AMTN: variants seen among roughly 807,000 people sequenced by gnomAD.
AMTN encodes the protein RSTI689.
Under a neutral mutation model 27.4 loss-of-function variants are expected in AMTN, and 29 were observed. That is an observed-to-expected ratio of 1.06 (90% CI 0.79 to 1.44). The LOEUF is 1.44. Ranked by LOEUF, AMTN falls within the 40% of genes most tolerant of loss-of-function variation. AMTN has a pLI of 0.00. For synonymous variants in AMTN, 86 were observed against 95.7 expected, an observed-to-expected ratio of 0.90 and a Z score of 0.59; for missense variants, 247 against 248.8, an observed-to-expected ratio of 0.99 and a Z score of 0.05.
Position 70,532,519 on chromosome 4 carries a change from T to C in AMTN, c.*54T>C. The C allele has an allele frequency of 6.6e-7, 1 of 1,508,966 alleles. No homozygotes were observed. The highest frequency in any genetic ancestry group is 1.4e-5 in the African/African-American group (1 of 72,386). The allele number at this position is 1,508,966 out of a possible 1,614,324, so 93.5% of individuals were successfully genotyped here. A position where few individuals can be genotyped will look rare whatever the true frequency, so the allele number is the denominator to read the frequency against. ...CCTCGAATTTGGTGATACATGTGAA[T>C]CTTTATCATTGATTATATTATGGAA... On this transcript the variant is annotated 3_prime_UTR_variant, in exon 9 of 9. Coordinates refer to ENST00000339336, the MANE Select transcript of AMTN (RefSeq NM_212557.4).
In AMTN at chr4:70,528,766, T is replaced by C; in HGVS notation, c.330+8T>C. 1 of 1,588,648 alleles carries C rather than the reference T, an allele frequency of 6.3e-7. No homozygotes were observed. The highest frequency in any genetic ancestry group is 1.8e-5 in the Admixed American group (1 of 54,896). On this transcript the variant is annotated splice_region_variant and intron_variant, in intron 6 of 8. Transcript: ENST00000339336. ...ACACAACTTGGAGCCCAGGTAAAAA[T>C]TATGCTTAATATTGTCTTGATTTTA...
chr4:70,529,900 G>A (rs1013915998), intron 7 of AMTN, among the ~76,000 whole-genome samples: 2 of 152,134 alleles, frequency 1.3e-5, no homozygotes, highest in African/African-American at 2.4e-5. Context: ...AAGGAATGGG[G>A]CTAGTGTCTG....
chr4:70,529,840 T>C (rs1736180528), intron 7 of AMTN, among the ~76,000 whole-genome samples: 2 of 152,188 alleles, frequency 1.3e-5, no homozygotes, highest in South Asian at 4.1e-4. Flanking sequence ...CAACAGCTTT[T>C]CTATTATGGA....
At chr4:70,522,904 G>A (rs1736012775) in intron 3 of AMTN, 66 bp downstream of exon 3, 1 of 1,505,014 alleles carries the variant, frequency 6.6e-7, no homozygotes, top group Admixed American at 1.7e-5. Flanking sequence ...GTACAAACCG[G>A]TAAAGAAAAC....
intron 5 of AMTN, among the ~76,000 whole-genome samples, chr4:70,527,708 TGACACTTTGA>T (rs1736128922): frequency 6.6e-6 from 1 of 152,232 alleles, no homozygotes; most frequent in Admixed American, 6.5e-5. Context: ...ATTACTTTCC[TGACACTTTGA>T]ATTTTCTATA....
In AMTN at chr4:70,522,799, G is replaced by C; in HGVS notation, c.99G>C (p.Pro33=). The C allele has an allele frequency of 6.2e-7, 1 of 1,613,496 alleles. No homozygotes were observed. ...GACTCCCTCCCACAAAACTGGCTCCGGATCAGGGAACACTACCAAACCAAC... is the reference window on the plus strand; with the variant it reads ...GACTCCCTCCCACAAAACTGGCTCCCGATCAGGGAACACTACCAAACCAAC... ...ALGLPPTKLA[P]DQGTLPNQQQ... Residue 33 remains proline, a synonymous_variant, in exon 3 of 9, where the codon CCG becomes CCC. Coordinates refer to ENST00000339336, the MANE Select transcript of AMTN (RefSeq NM_212557.4).
At position 70,528,724 on chromosome 4, in the gene AMTN, T is replaced by G. The variant is rs1188885385; in HGVS notation, c.296T>G (p.Val99Gly). 1.2e-6 allele frequency: 2 copies of G among 1,608,158 alleles called. No homozygotes were observed. The highest frequency in any genetic ancestry group is 1.7e-5 in the Admixed American group (1 of 58,764). The change falls in exon 6 of 9, where the codon GTG (valine) becomes GGG (glycine). Residue 99 changes from valine (V) to glycine (G), a missense_variant and splice_region_variant. By Grantham distance (109) the Val-to-Gly change is moderately radical. Transcript: ENST00000339336. ...AGAGTTTTTCTCTCATTTTTTCAGG[T>G]GTTACCAATTTTTGTCACACAACTT... is the stretch of plus-strand genomic sequence containing the variant. ...LNVQQQLHPH[V>G]LPIFVTQLGA...
intron 2 of AMTN, among the ~76,000 whole-genome samples, chr4:70,521,550 A>C (rs1038218808): frequency 6.8e-6 from 1 of 147,084 alleles, no homozygotes; most frequent in Non-Finnish European, 1.5e-5. Context: ...CAAAATTTAT[A>C]TATATTATAT....
rs893103361 is a variant in AMTN, at chr4:70,532,585, C to A, written c.*120C>A. On this transcript the variant is annotated 3_prime_UTR_variant, in exon 9 of 9. Transcript: ENST00000339336. Reference sequence around the variant, plus strand: ...TGGATAGTCTTAGAAGAAATTAATTCTTAATTTACCTGAAAATATTCTTGA... The same window carrying A: ...TGGATAGTCTTAGAAGAAATTAATTATTAATTTACCTGAAAATATTCTTGA... 12 of 870,354 alleles carry A rather than the reference C, an allele frequency of 1.4e-5. No homozygotes were observed. Among genetic ancestry groups the A allele is most frequent in the Non-Finnish European group, 1.9e-5 (11 of 571,762 alleles). The allele number at this position is 870,354 out of a possible 1,614,324, so 53.9% of individuals were successfully genotyped here.
chr4:70,531,067 A>G lies in AMTN; in HGVS notation c.386A>G (p.His129Arg), dbSNP rs780237962. 30 of 1,613,890 alleles carry G rather than the reference A, an allele frequency of 1.9e-5. No individual in the cohort carries two copies. Among genetic ancestry groups the G allele is most frequent in the Middle Eastern group, 3.3e-4 (2 of 6,082 alleles). ...CAAATCTTCACGAGCCTCATCATCC[A>G]TTCCTTGTTCCCGGGAGGCATCCTG... is the stretch of plus-strand genomic sequence containing the variant. ...LPQIFTSLIIHSLFPGGILPT... is the reference protein window; with the variant it reads ...LPQIFTSLIIRSLFPGGILPT... The change falls in exon 8 of 9, where the codon CAT (histidine) becomes CGT (arginine). Residue 129 changes from histidine to arginine, a missense_variant. Coordinates refer to ENST00000339336, the MANE Select transcript of AMTN (RefSeq NM_212557.4).
At chr4:70,532,365 C>T in intron 8 of AMTN, 90 bp from the exon 9 acceptor site, 1 of 1,052,618 alleles carries the variant, frequency 9.5e-7, no homozygotes, top group Non-Finnish European at 1.4e-6. Context: ...TGCTCCTAAT[C>T]CTGCAAAAGA....
At chr4:70,525,077 A>G in intron 5 of AMTN, 116 bp downstream of exon 5, 2 of 874,250 alleles carry the variant, frequency 2.3e-6, no homozygotes, top group East Asian at 2.6e-5. Context: ...TTATTAACTG[A>G]CGAATGTTCT....
Position 70,532,483 on chromosome 4 carries a change from C to G in AMTN, c.*18C>G, listed in dbSNP as rs753508858. ...TTCAGTAAGCTGTTTCAAATTTTTT[C>G]AACTAAGCTGCCTCGAATTTGGTGA... On this transcript the variant is annotated 3_prime_UTR_variant, in exon 9 of 9. Transcript: ENST00000339336. 6.2e-7 allele frequency: 1 copy of G among 1,606,334 alleles called. No individual in the cohort carries two copies. The highest frequency in any genetic ancestry group is 1.3e-5 in the African/African-American group (1 of 74,612).
At chr4:70,524,458 C>A (rs1242183128) in intron 4 of AMTN, among the ~76,000 whole-genome samples, 1 of 152,094 alleles carries the variant, frequency 6.6e-6, no homozygotes, top group Non-Finnish European at 1.5e-5. Context: ...AGCTCATGTT[C>A]CAGACAAAAT....
At chr4:70,527,165 T>TAC (rs1385672572) in intron 5 of AMTN, among the ~76,000 whole-genome samples, 8 of 152,204 alleles carry the variant, frequency 5.3e-5, no homozygotes, top group Non-Finnish European at 1.2e-4. Flanking sequence ...TCTACAGCTG[T>TAC]TGCAAAGATC....
intron 5 of AMTN, among the ~76,000 whole-genome samples, chr4:70,527,254 A>G (rs976758368): frequency 1.3e-5 from 2 of 152,212 alleles, no homozygotes; most frequent in Non-Finnish European, 2.9e-5. Flanking sequence ...ACGATTTCAA[A>G]TAATTTCTCT....
intron 8 of AMTN, 87 bp from the exon 9 acceptor site, chr4:70,532,368 G>T (rs1350147157): frequency 1.9e-5 from 21 of 1,123,586 alleles, no homozygotes; most frequent in Non-Finnish European, 2.7e-5. Context: ...TCCTAATCCT[G>T]CAAAAGAAAC....
At chr4:70,529,267 T>C in intron 7 of AMTN, 57 bp downstream of exon 7, 1 of 1,321,546 alleles carries the variant, frequency 7.6e-7, no homozygotes, top group Non-Finnish European at 1.0e-6. Flanking sequence ...CAATGTTTTC[T>C]GTCCTCATAT....
intron 5 of AMTN, 24 bp from the exon 6 acceptor site, chr4:70,528,699 A>G: frequency 6.2e-7 from 1 of 1,604,730 alleles, no homozygotes; most frequent in Admixed American, 1.7e-5. Context: ...TACTTTTGAA[A>G]GAGTTTTTCT....
Sources: allele counts gnomAD v4.1 joint callset (sites outside exome capture counted in the v4.1 genomes callset), GRCh38; gene constraint gnomAD v4.1.1; transcripts MANE v1.5; gene names NCBI Gene and HGNC (gene_info 2026-07-23, HGNC 2026-07-21).